Variants in CPAP observed in about 807,000 individuals in gnomAD.
The protein encoded by CPAP is centrosome assembly and centriole elongation protein.
At chr13:24,911,474 T>C in the CPAP span, among the ~76,000 whole-genome samples, 1 of 152,330 alleles carries the variant, frequency 6.6e-6, no homozygotes, top group East Asian at 1.9e-4. Context: ...CCAACAGTTT[T>C]CATTCATCAG....
chr13:24,883,311 A>C, the CPAP span: 1 of 1,613,976 alleles, frequency 6.2e-7, no homozygotes, highest in Non-Finnish European at 8.5e-7. Context: ...CGTCTCTTGA[A>C]CTGGGCAGTA....
At chr13:24,917,429 A>C in the CPAP span, among the ~76,000 whole-genome samples, 1 of 152,192 alleles carries the variant, frequency 6.6e-6, no homozygotes, top group African/African-American at 2.4e-5. Flanking sequence ...TTTTTCTCTT[A>C]AACACTTTTA....
At chr13:24,905,916 C>T in the CPAP span, 1 of 1,614,076 alleles carries the variant, frequency 6.2e-7, no homozygotes, top group Non-Finnish European at 8.5e-7. Context: ...TCAAGCTGTT[C>T]CTCAGAGTCA....
the CPAP span, among the ~76,000 whole-genome samples, chr13:24,908,641 T>G: frequency 2.6e-5 from 4 of 151,790 alleles, no homozygotes; most frequent in Non-Finnish European, 5.9e-5. Context: ...TTCAAAAGGT[T>G]AATGTCATGA....
the CPAP span, among the ~76,000 whole-genome samples, chr13:24,894,519 C>T: frequency 6.6e-6 from 1 of 152,202 alleles, no homozygotes; most frequent in African/African-American, 2.4e-5. Context: ...CCGGAGGCCG[C>T]GCTGCAGGGC....
chr13:24,920,780 C>T, the CPAP span, among the ~76,000 whole-genome samples: 1 of 119,934 alleles, frequency 8.3e-6, no homozygotes, highest in African/African-American at 2.9e-5. Flanking sequence ...ACCACCATAC[C>T]TGGCTTTTTT....
the CPAP span, among the ~76,000 whole-genome samples, chr13:24,899,767 T>A: frequency 7.9e-5 from 12 of 152,090 alleles, no homozygotes; most frequent in African/African-American, 2.9e-4. Flanking sequence ...GTGCCTACGA[T>A]GAATCAGGCA....
the CPAP span, chr13:24,908,182 A>G: frequency 4.3e-4 from 527 of 1,225,116 alleles, 1 homozygote; most frequent in African/African-American, 7.1e-3. Flanking sequence ...ATGTCTTAAA[A>G]CATGAGAATT....
At chr13:24,898,417 T>C in the CPAP span, among the ~76,000 whole-genome samples, 1 of 152,088 alleles carries the variant, frequency 6.6e-6, no homozygotes, top group African/African-American at 2.4e-5. Flanking sequence ...CTTTCTATAA[T>C]AAAAAATTAT....
the CPAP span, chr13:24,882,778 G>A: frequency 4.1e-4 from 78 of 190,576 alleles, no homozygotes; most frequent in African/African-American, 1.8e-3. Context: ...ACAGAGACAC[G>A]TGTTTACTCC....
At chr13:24,924,162 T>C in the CPAP span, among the ~76,000 whole-genome samples, 1 of 152,060 alleles carries the variant, frequency 6.6e-6, no homozygotes, top group African/African-American at 2.4e-5. Flanking sequence ...TCACTGTGGG[T>C]GAGGAAGCTA....
chr13:24,924,145 T>G, the CPAP span, among the ~76,000 whole-genome samples: 2 of 152,322 alleles, frequency 1.3e-5, no homozygotes, highest in Admixed American at 1.3e-4. Context: ...ATTTTTCTTT[T>G]TAATTTTCAC....
chr13:24,932,451 G>C, the CPAP span, among the ~76,000 whole-genome samples: 2 of 152,226 alleles, frequency 1.3e-5, no homozygotes, highest in Non-Finnish European at 2.9e-5. Context: ...ACTCCAGCCT[G>C]GGTGTCAGAG....
chr13:24,899,531 T>C, the CPAP span: 2 of 1,613,994 alleles, frequency 1.2e-6, no homozygotes, highest in African/African-American at 2.7e-5. Context: ...TTTAAACTCT[T>C]CTATTCGAGC....
the CPAP span, chr13:24,885,457 TC>T: frequency 1.1e-5 from 13 of 1,222,506 alleles, no homozygotes; most frequent in African/African-American, 3.0e-5. Flanking sequence ...GATATAGGGT[TC>T]TAGGACTAGT....
the CPAP span, chr13:24,912,551 T>C: frequency 4.0e-5 from 62 of 1,563,986 alleles, no homozygotes; most frequent in African/African-American, 8.0e-4. Context: ...TGCAATGACA[T>C]AAATTCACAG....
At chr13:24,883,081 C>G in the CPAP span, 2 of 1,101,836 alleles carry the variant, frequency 1.8e-6, no homozygotes, top group South Asian at 2.5e-5. Flanking sequence ...ATCTTTTCCC[C>G]ACACATACAC....
At chr13:24,889,071 G>A in the CPAP span, 8 of 486,672 alleles carry the variant, frequency 1.6e-5, no homozygotes, top group Non-Finnish European at 2.6e-5. Flanking sequence ...TGGGATGCTC[G>A]ACCAGTATAA....
the CPAP span, among the ~76,000 whole-genome samples, chr13:24,896,332 C>T: frequency 6.6e-6 from 1 of 152,234 alleles, no homozygotes; most frequent in African/African-American, 2.4e-5. Flanking sequence ...ACCCAACAAG[C>T]CCCTTGAATG....
Sources: gnomAD v4.1 joint callset for allele counts (sites outside exome capture counted in the v4.1 genomes callset) on GRCh38, gnomAD v4.1.1 for gene constraint, MANE v1.5 for transcripts, NCBI Gene and HGNC (gene_info 2026-07-23, HGNC 2026-07-21) for gene names.